DKK2: variants seen among roughly 807,000 people sequenced by gnomAD.
DKK2 encodes dickkopf-related protein 2.
DKK2 carries 11 observed loss-of-function variants against 28.1 expected under a neutral mutation model. The observed-to-expected ratio is 0.39, with a 90% CI of 0.25 to 0.65. The LOEUF is 0.65. Among genes scored for constraint, DKK2 ranks in the 30% least tolerant of loss-of-function variants. The pLI is 0.47. For synonymous variants in DKK2, 135 were observed against 126.5 expected (o/e 1.07, Z -0.45); for missense variants, 326 against 335.5 (o/e 0.97, Z 0.22).
chr4:106,964,266 T>G (rs1722734336), intron 1 of DKK2, among the ~76,000 whole-genome samples: 1 of 152,120 alleles, frequency 6.6e-6, no homozygotes, highest in Non-Finnish European at 1.5e-5. Context: ...GAAAGACAAA[T>G]ATTACATCTT....
intron 1 of DKK2, among the ~76,000 whole-genome samples, chr4:106,974,174 T>C (rs147503540): frequency 1.3e-3 from 203 of 152,294 alleles, no homozygotes; most frequent in Middle Eastern, 3.4e-3. Context: ...TCAGGTAGCA[T>C]GATGCCTCCA....
At chr4:107,017,816 T>G (rs1382975765) in intron 1 of DKK2, among the ~76,000 whole-genome samples, 1 of 151,958 alleles carries the variant, frequency 6.6e-6, no homozygotes, top group Non-Finnish European at 1.5e-5. Context: ...ATGAAAAGTT[T>G]TATACATTTG....
intron 1 of DKK2, among the ~76,000 whole-genome samples, chr4:106,968,387 A>T (rs1722815395): frequency 6.6e-6 from 1 of 152,142 alleles, no homozygotes; most frequent in African/African-American, 2.4e-5. Flanking sequence ...AGGATAATCA[A>T]CTTGCTTAAG....
At chr4:106,924,472 A>G (rs746149718) in intron 3 of DKK2, 73 bp downstream of exon 3, 7 of 1,515,336 alleles carry the variant, frequency 4.6e-6, no homozygotes, top group South Asian at 1.3e-5. Context: ...TCTAAAACCA[A>G]TGGAATTAAT....
chr4:106,976,221 T>C (rs1722942464), intron 1 of DKK2, among the ~76,000 whole-genome samples: 1 of 152,162 alleles, frequency 6.6e-6, no homozygotes, highest in Non-Finnish European at 1.5e-5. Context: ...ATTCTGTTGA[T>C]TTGGGGTGGA....
At chr4:107,030,484 T>C (rs1355472536) in intron 1 of DKK2, among the ~76,000 whole-genome samples, 2 of 151,998 alleles carry the variant, frequency 1.3e-5, no homozygotes, top group Non-Finnish European at 2.9e-5. Context: ...AAGGACGTAG[T>C]AAGGGGCTCA....
At chr4:106,934,651 T>C (rs1724552274) in intron 1 of DKK2, among the ~76,000 whole-genome samples, 1 of 152,228 alleles carries the variant, frequency 6.6e-6, no homozygotes, top group Non-Finnish European at 1.5e-5. Context: ...TTCTCTAATC[T>C]TGTTGAATTC....
At chr4:106,958,818 C>G (rs961905217) in intron 1 of DKK2, among the ~76,000 whole-genome samples, 8 of 95,960 alleles carry the variant, frequency 8.3e-5, no homozygotes, top group African/African-American at 3.2e-4. Flanking sequence ...GCCTGGGCAA[C>G]AAGAGTGAAA....
At chr4:106,925,325 T>C (rs1724409422) in intron 2 of DKK2, among the ~76,000 whole-genome samples, 1 of 152,246 alleles carries the variant, frequency 6.6e-6, no homozygotes, top group African/African-American at 2.4e-5. Flanking sequence ...TATAAATTCA[T>C]TGATATTGGA....
At chr4:106,980,059 C>T (rs1723006427) in intron 1 of DKK2, among the ~76,000 whole-genome samples, 1 of 152,170 alleles carries the variant, frequency 6.6e-6, no homozygotes, top group Non-Finnish European at 1.5e-5. Context: ...TTACTGAAAA[C>T]TTCTCTCAAA....
chr4:106,951,426 A>G (rs776720296), intron 1 of DKK2, among the ~76,000 whole-genome samples: 86 of 152,184 alleles, frequency 5.7e-4, no homozygotes, highest in Middle Eastern at 6.3e-3. Flanking sequence ...AAGATATACA[A>G]TCAACCTAAG....
chr4:106,941,630 A>G (rs941821114), intron 1 of DKK2, among the ~76,000 whole-genome samples: 6 of 152,142 alleles, frequency 3.9e-5, no homozygotes, highest in Non-Finnish European at 7.4e-5. Flanking sequence ...TTGTCCTTCT[A>G]ATCGTCACTG....
At chr4:107,022,979 T>C (rs1259825671) in intron 1 of DKK2, among the ~76,000 whole-genome samples, 2 of 152,064 alleles carry the variant, frequency 1.3e-5, no homozygotes, top group African/African-American at 2.4e-5. Context: ...CTGTTTTTAG[T>C]TTTGGAACAT....
chr4:106,927,845 T>G (rs1724445432), intron 1 of DKK2, among the ~76,000 whole-genome samples: 1 of 152,208 alleles, frequency 6.6e-6, no homozygotes, highest in African/African-American at 2.4e-5. Context: ...GTTACAAGTT[T>G]CTTTCCTTCC....
At chr4:106,991,961 T>A (rs1723211565) in intron 1 of DKK2, among the ~76,000 whole-genome samples, 1 of 152,180 alleles carries the variant, frequency 6.6e-6, no homozygotes. Flanking sequence ...TCCTTTTTGC[T>A]TCCATTTTAA....
chr4:106,935,269 G>A (rs1021651895), intron 1 of DKK2, among the ~76,000 whole-genome samples: 20 of 152,302 alleles, frequency 1.3e-4, no homozygotes, highest in South Asian at 2.1e-4. Flanking sequence ...CACCGTGTGC[G>A]AGCCAAAGCA....
chr4:107,008,237 T>C (rs1020534784), intron 1 of DKK2, among the ~76,000 whole-genome samples: 1 of 152,118 alleles, frequency 6.6e-6, no homozygotes, highest in Non-Finnish European at 1.5e-5. Flanking sequence ...TCAAGTAATA[T>C]TTACTACACA....
At chr4:107,008,288 G>A (rs75406343) in intron 1 of DKK2, among the ~76,000 whole-genome samples, 2,938 of 152,188 alleles carry the variant, frequency 0.019, 41 homozygotes, top group Middle Eastern at 0.037. Context: ...TTGGGTGTAT[G>A]ATGGTGAAAA....
intron 1 of DKK2, among the ~76,000 whole-genome samples, chr4:106,946,579 C>G (rs1372994338): frequency 6.6e-6 from 1 of 152,114 alleles, no homozygotes; most frequent in African/African-American, 2.4e-5. Flanking sequence ...AACTAATCTT[C>G]AAGAAGCAGC....
Sources: allele counts gnomAD v4.1 joint callset (sites outside exome capture counted in the v4.1 genomes callset), GRCh38; gene constraint gnomAD v4.1.1; transcripts MANE v1.5; gene names NCBI Gene and HGNC (gene_info 2026-07-23, HGNC 2026-07-21).